Variants in SMURF1 observed in about 807,000 individuals in gnomAD.
The protein encoded by SMURF1 is SMAD specific E3 ubiquitin protein ligase 1.
Under a neutral mutation model 98.0 loss-of-function variants are expected in SMURF1, and 44 were observed. The observed-to-expected ratio is 0.45, with a 90% CI of 0.35 to 0.58. SMURF1 has a LOEUF of 0.58. Ranked by LOEUF, SMURF1 falls within the 20% of genes least tolerant of loss-of-function variation. The pLI is 0.00. For missense variants in SMURF1, 687 were observed against 938.4 expected (o/e 0.73, Z 3.50); for synonymous variants, 396 against 374.9 (o/e 1.06, Z -0.65).
intron 16 of SMURF1, among the ~76,000 whole-genome samples, chr7:99,033,575 C>T (rs895526852): frequency 5.3e-5 from 8 of 152,224 alleles, no homozygotes; most frequent in Admixed American, 6.5e-5. Flanking sequence ...TCCCAGAGTG[C>T]TGGGATTACA....
chr7:99,035,513 A>C lies in SMURF1; in HGVS notation c.2011+2T>G. On this transcript the variant is annotated splice_donor_variant, in intron 16 of 17. Transcript: ENST00000361368. LOFTEE classifies it high-confidence loss of function. ...GAATAGCCCTGCCTCCACGTCAGTC[A>C]CCTTGCAAAGCCTTGAAGCCTTGGA... 2 of 1,614,074 alleles carry C rather than the reference A, an allele frequency of 1.2e-6. No individual in the cohort carries two copies. The highest frequency in any genetic ancestry group is 1.7e-6 in the Non-Finnish European group (2 of 1,180,008).
intron 1 of SMURF1, among the ~76,000 whole-genome samples, chr7:99,073,733 T>C (rs1188026437): frequency 6.7e-6 from 1 of 148,588 alleles, no homozygotes; most frequent in African/African-American, 2.5e-5. Context: ...GCCACTGCAC[T>C]CCAGCCTGGG....
At chr7:99,091,071 G>T (rs926237615) in intron 1 of SMURF1, among the ~76,000 whole-genome samples, 1 of 152,158 alleles carries the variant, frequency 6.6e-6, no homozygotes, top group Non-Finnish European at 1.5e-5. Context: ...CACATGGCCT[G>T]CAAAGCATAA....
intron 13 of SMURF1, 145 bp downstream of exon 13, chr7:99,040,233 C>T (rs113183440): frequency 1.1e-6 from 1 of 891,634 alleles, no homozygotes; most frequent in Non-Finnish European, 1.5e-6. Context: ...CAAAAAATCC[C>T]CTTTTTTTGT....
chr7:99,049,765 C>T, intron 8 of SMURF1, 56 bp from the exon 9 acceptor site: 2 of 1,546,600 alleles, frequency 1.3e-6, no homozygotes, highest in Non-Finnish European at 1.8e-6. Flanking sequence ...AGGAATGAGA[C>T]CAAAAGTCAG....
At chr7:99,138,534 G>C (rs902134617) in intron 1 of SMURF1, among the ~76,000 whole-genome samples, 1 of 152,102 alleles carries the variant, frequency 6.6e-6, no homozygotes, top group Non-Finnish European at 1.5e-5. Context: ...ATGTGTGGAA[G>C]AGAAAGAAAA....
At chr7:99,060,507 C>T (rs1796006256) in intron 3 of SMURF1, 92 bp downstream of exon 3, 4 of 567,902 alleles carry the variant, frequency 7.0e-6, no homozygotes, top group Non-Finnish European at 1.1e-5. Flanking sequence ...AAAAGTCATC[C>T]TTTTTTTTTT....
chr7:99,100,929 A>T (rs1426751740), intron 1 of SMURF1, among the ~76,000 whole-genome samples: 16 of 152,198 alleles, frequency 1.1e-4, no homozygotes, highest in Admixed American at 9.8e-4. Context: ...TTTCAGAGAT[A>T]AGCAAGGTGG....
chr7:99,105,160 A>T (rs985435564), intron 1 of SMURF1, among the ~76,000 whole-genome samples: 9 of 152,180 alleles, frequency 5.9e-5, no homozygotes, highest in African/African-American at 1.9e-4. Context: ...TACACAACCA[A>T]CCTTCACAAT....
chr7:99,035,942 G>C (rs1584442360), intron 15 of SMURF1: 1 of 571,810 alleles, frequency 1.7e-6, no homozygotes, highest in East Asian at 3.0e-5. Flanking sequence ...GGACCGCGGT[G>C]CACAGCTGTT....
At chr7:99,048,078 T>C in intron 9 of SMURF1, 196 bp from the exon 10 acceptor site, 1 of 586,126 alleles carries the variant, frequency 1.7e-6, no homozygotes, top group Non-Finnish European at 3.0e-6. Context: ...TAAATGTATG[T>C]CTACAGTACC....
At chr7:99,063,265 A>AAGATT (rs1378658221) in intron 1 of SMURF1, among the ~76,000 whole-genome samples, 108 of 7,972 alleles carry the variant, frequency 0.014, 1 homozygote, top group East Asian at 0.03. Context: ...ATATATATAT[A>AAGATT]TATATATATA....
Position 99,057,457 on chromosome 7 carries a change from G to T in SMURF1, c.298C>A (p.Leu100Met). ...QGAGFLGCVR[L>M]LSNAISRLKD... ...AATCTGCTGATGGCATTGGAGAGCA[G>T]CCGCACACAGCCCAGGAAGCCAGCT... Residue 100 changes from leucine (L) to methionine (M), a missense_variant, in exon 4 of 18, where the codon CTG becomes ATG. Leu to Met is a conservative substitution (Grantham distance 15, BLOSUM62 2). Around this residue, in one of 2 missense-constraint regions of SMURF1, gnomAD observed 415 missense variants for 508.4 expected, o/e 0.82. Coordinates refer to ENST00000361368, the MANE Select transcript of SMURF1 (RefSeq NM_181349.3). The T allele has an allele frequency of 6.2e-7, 1 of 1,604,140 alleles. No individual in the cohort carries two copies. Among genetic ancestry groups the T allele is most frequent in the East Asian group, 2.2e-5 (1 of 44,862 alleles).
chr7:99,102,056 T>C (rs1316103013), intron 1 of SMURF1, among the ~76,000 whole-genome samples: 1 of 152,212 alleles, frequency 6.6e-6, no homozygotes, highest in Non-Finnish European at 1.5e-5. Context: ...TTTGAAATTT[T>C]CAAAGACAAG....
At chr7:99,108,469 G>A (rs543207790) in intron 1 of SMURF1, among the ~76,000 whole-genome samples, 84 of 151,200 alleles carry the variant, frequency 5.6e-4, no homozygotes, top group Admixed American at 3.7e-3. Context: ...AAAATTAACC[G>A]AGCGTGGTGG....
chr7:99,038,606 C>T (rs1296746147), intron 13 of SMURF1, 81 bp from the exon 14 acceptor site: 7 of 1,526,106 alleles, frequency 4.6e-6, no homozygotes, highest in Non-Finnish European at 6.2e-6. Flanking sequence ...ACATTTACGA[C>T]TGCCAAACCC....
chr7:99,045,538 G>A lies in SMURF1; in HGVS notation c.1256+160C>T, dbSNP rs569789562. On this transcript the variant is annotated intron_variant, in intron 11 of 17. Transcript: ENST00000361368. The stretch of plus-strand genomic sequence containing the variant: ...ATGCTCGGAGGAATTCCTATTCTCC[G>A]CAGGGTGGCTGAAGCCAGTGCATGA... 193 of 593,742 alleles carry A rather than the reference G, an allele frequency of 3.3e-4. 1 individual carries two copies. In the South Asian group the frequency reaches 4.1e-3, roughly 13 times the overall value. The allele number at this position is 593,742 out of a possible 1,614,324, so 36.8% of individuals were successfully genotyped here. A position where few individuals can be genotyped will look rare whatever the true frequency, so the allele number is the denominator to read the frequency against.
intron 9 of SMURF1, chr7:99,048,610 T>C (rs748609007): frequency 3.9e-5 from 6 of 152,252 alleles, no homozygotes; most frequent in Non-Finnish European, 7.3e-5. Flanking sequence ...AATCTCATGA[T>C]AGGCACAACA....
At chr7:99,036,928 C>T in intron 15 of SMURF1, 139 bp downstream of exon 15, 4 of 1,286,166 alleles carry the variant, frequency 3.1e-6, no homozygotes, top group Non-Finnish European at 4.4e-6. Flanking sequence ...TGCTCCAGCC[C>T]TGGCTCTAGT....
Sources: allele counts gnomAD v4.1 joint callset (sites outside exome capture counted in the v4.1 genomes callset), GRCh38; gene constraint gnomAD v4.1.1; regional missense constraint gnomAD v4.1.1; transcripts MANE v1.5; gene names NCBI Gene and HGNC (gene_info 2026-07-23, HGNC 2026-07-21).